The following UBE2E2 variants were observed in gnomAD, a reference collection of about 807,000 sequenced individuals.
The protein encoded by UBE2E2 is ubiquitin conjugating enzyme E2 E2.
UBE2E2 carries 6 observed loss-of-function variants against 24.7 expected under a neutral mutation model. The observed-to-expected ratio is 0.24, with a 90% CI of 0.13 to 0.48. The LOEUF (loss-of-function observed/expected upper bound fraction) is 0.48. Among genes scored for constraint, UBE2E2 ranks in the 20% least tolerant of loss-of-function variants. The probability of loss-of-function intolerance (pLI) is 0.99; values close to 1 mark genes in which losing one functional copy is unlikely to be tolerated. For synonymous variants in UBE2E2, 104 were observed against 83.6 expected (o/e 1.24, Z -1.33); for missense variants, 169 against 245.0 (o/e 0.69, Z 2.07).
At chr3:23,563,393 T>G (rs141333022) in intron 5 of UBE2E2, among the ~76,000 whole-genome samples, 2,267 of 152,298 alleles carry the variant, frequency 0.015, 63 homozygotes, top group African/African-American at 0.051. Context: ...AGTGAGTTTC[T>G]TAGTCCTGAG....
chr3:23,483,336 A>G (rs1699294882), intron 3 of UBE2E2, among the ~76,000 whole-genome samples: 1 of 152,236 alleles, frequency 6.6e-6, no homozygotes, highest in African/African-American at 2.4e-5. Context: ...TATGTGAATG[A>G]TAATACTTAG....
intron 2 of UBE2E2, among the ~76,000 whole-genome samples, chr3:23,209,832 G>A (rs1696268594): frequency 6.6e-6 from 1 of 152,134 alleles, no homozygotes. Flanking sequence ...GATGTTGGAG[G>A]GATGGTGAGT....
At chr3:23,390,503 C>T (rs1696909399) in intron 3 of UBE2E2, among the ~76,000 whole-genome samples, 1 of 152,212 alleles carries the variant, frequency 6.6e-6, no homozygotes, top group Admixed American at 6.5e-5. Flanking sequence ...CTGCATTCAT[C>T]ACCTTTCAGA....
intron 3 of UBE2E2, among the ~76,000 whole-genome samples, chr3:23,248,877 TG>T (rs1697494442): frequency 6.6e-6 from 1 of 152,222 alleles, no homozygotes; most frequent in Non-Finnish European, 1.5e-5. Flanking sequence ...AGAGGAACAT[TG>T]GCTGTTTTGG....
intron 3 of UBE2E2, among the ~76,000 whole-genome samples, chr3:23,373,621 A>G (rs1390162534): frequency 3.3e-5 from 5 of 152,206 alleles, no homozygotes; most frequent in African/African-American, 1.2e-4. Context: ...GCATTTCTCC[A>G]GAGATGCCTT....
chr3:23,224,546 G>GT (rs1559446111), intron 3 of UBE2E2, among the ~76,000 whole-genome samples: 35 of 149,754 alleles, frequency 2.3e-4, no homozygotes, highest in African/African-American at 7.1e-4. Flanking sequence ...AGTTCTAACA[G>GT]CTTTTTTTTT....
chr3:23,549,275 G>A (rs1239108666), intron 5 of UBE2E2, among the ~76,000 whole-genome samples: 2 of 152,106 alleles, frequency 1.3e-5, no homozygotes, highest in Non-Finnish European at 2.9e-5. Flanking sequence ...TTATTGTTTT[G>A]CTCTAAGCTG....
At chr3:23,527,563 G>C (rs1695027745) in intron 4 of UBE2E2, among the ~76,000 whole-genome samples, 1 of 152,170 alleles carries the variant, frequency 6.6e-6, no homozygotes, top group African/African-American at 2.4e-5. Flanking sequence ...CCTCAGGATG[G>C]AAGCTGGTTG....
chr3:23,350,599 C>A (rs1418896570), intron 3 of UBE2E2, among the ~76,000 whole-genome samples: 2 of 152,124 alleles, frequency 1.3e-5, no homozygotes, highest in Non-Finnish European at 2.9e-5. Flanking sequence ...ACAGAAGCCT[C>A]AGGAGCCGAT....
chr3:23,206,393 A>G (rs1165643275), intron 1 of UBE2E2, among the ~76,000 whole-genome samples: 1 of 152,250 alleles, frequency 6.6e-6, no homozygotes, highest in Non-Finnish European at 1.5e-5. Context: ...GCTAGATGTG[A>G]AACATACTGA....
intron 3 of UBE2E2, among the ~76,000 whole-genome samples, chr3:23,457,873 G>A (rs73140507): frequency 0.16 from 23,816 of 152,178 alleles, 1,911 homozygotes; most frequent in East Asian, 0.23. Context: ...GTTAGTTACA[G>A]CCTTGCGCTG....
At chr3:23,403,425 G>T (rs1015735033) in intron 3 of UBE2E2, among the ~76,000 whole-genome samples, 24 of 152,174 alleles carry the variant, frequency 1.6e-4, no homozygotes, top group Admixed American at 2.6e-4. Context: ...TTCTTTGTTG[G>T]TTCTGAATAT....
chr3:23,456,861 G>T (rs1698691160), intron 3 of UBE2E2, among the ~76,000 whole-genome samples: 1 of 152,214 alleles, frequency 6.6e-6, no homozygotes, highest in East Asian at 1.9e-4. Flanking sequence ...AAGCTTTGAA[G>T]CCAGGAGCTG....
chr3:23,535,037 A>T (rs1185206329), intron 5 of UBE2E2, among the ~76,000 whole-genome samples: 2 of 152,190 alleles, frequency 1.3e-5, no homozygotes, highest in African/African-American at 4.8e-5. Context: ...TCCAACACAG[A>T]TGTTCTTTAG....
chr3:23,362,347 C>T (rs1696140005), intron 3 of UBE2E2, among the ~76,000 whole-genome samples: 1 of 152,100 alleles, frequency 6.6e-6, no homozygotes, highest in Non-Finnish European at 1.5e-5. Flanking sequence ...AAGCAGAGAG[C>T]CCATTTTGTG....
intron 3 of UBE2E2, among the ~76,000 whole-genome samples, chr3:23,248,389 G>T (rs1423054529): frequency 2.0e-5 from 3 of 152,134 alleles, no homozygotes; most frequent in Non-Finnish European, 4.4e-5. Flanking sequence ...CTTGACTGAA[G>T]GAAAAGTTAG....
intron 3 of UBE2E2, among the ~76,000 whole-genome samples, chr3:23,341,119 T>C (rs1032370593): frequency 6.6e-6 from 1 of 152,198 alleles, no homozygotes; most frequent in Non-Finnish European, 1.5e-5. Context: ...GTGTAAGTCT[T>C]GCTAATAGCC....
chr3:23,269,100 C>G (rs111408987), intron 3 of UBE2E2, among the ~76,000 whole-genome samples: 6,399 of 151,988 alleles, frequency 0.042, 469 homozygotes, highest in African/African-American at 0.14. Flanking sequence ...CATAAAAACC[C>G]TAGAAGAAAA....
intron 3 of UBE2E2, chr3:23,323,415 C>T: frequency 3.6e-6 from 1 of 274,702 alleles, no homozygotes. Flanking sequence ...CAATTTGGGT[C>T]ATTTGGCATG....
Sources: allele counts gnomAD v4.1 joint callset (sites outside exome capture counted in the v4.1 genomes callset), GRCh38; gene constraint gnomAD v4.1.1; transcripts MANE v1.5; gene names NCBI Gene and HGNC (gene_info 2026-07-23, HGNC 2026-07-21).